TTK: variants seen among roughly 807,000 people sequenced by gnomAD.
The protein encoded by TTK is TTK protein kinase, also known as dual specificity protein kinase TTK.
A neutral mutation model predicts 117.3 loss-of-function variants in TTK; 59 were observed. The ratio of observed to expected loss-of-function variants is 0.50; its 90% CI spans 0.41 to 0.62. The LOEUF (loss-of-function observed/expected upper bound fraction) is 0.62, where lower values mean the gene tolerates loss of function less well. TTK is among the 20% of genes least tolerant of loss of function. The pLI, the probability that TTK is intolerant of heterozygous loss-of-function variation, is 0.00. For missense variants in TTK, 921 were observed against 989.4 expected (o/e 0.93, Z 0.93); for synonymous variants, 302 against 325.0 (o/e 0.93, Z 0.76).
intron 14 of TTK, 114 bp from the exon 15 acceptor site, chr6:80,034,871 C>A: frequency 1.1e-6 from 1 of 905,588 alleles, no homozygotes; most frequent in Non-Finnish European, 1.5e-6. Context: ...TTTTAATGTT[C>A]ATGTCAGTAT....
At chr6:80,008,929 C>CTGTGTGTGTGTG (rs3049166) in intron 4 of TTK, among the ~76,000 whole-genome samples, 15,577 of 142,166 alleles carry the variant, frequency 0.11, 986 homozygotes, top group East Asian at 0.12. Flanking sequence ...AACTATATAT[C>CTGTGTGTGTGTG]TGTGTGTGTG....
Position 80,039,752 on chromosome 6 carries a change from C to A in TTK, c.2187C>A (p.Tyr729Ter). The stretch of plus-strand genomic sequence containing the variant: ...GATGTATTTTGTACTATATGACTTA[C>A]GGGAAAACACCATTTCAGCAGATAA... ...SLGCILYYMT[Y>*]GKTPFQQIIN... Residue 729 changes from tyrosine to a stop codon, truncating the protein, a stop_gained, in exon 19 of 22, where the codon TAC becomes TAA. Transcript: ENST00000369798. LOFTEE classifies it high-confidence loss of function. 1 of 1,588,944 alleles carries A rather than the reference C, an allele frequency of 6.3e-7. No individual in the cohort carries two copies. Among genetic ancestry groups the A allele is most frequent in the African/African-American group, 1.4e-5 (1 of 73,760 alleles).
intron 10 of TTK, among the ~76,000 whole-genome samples, chr6:80,014,885 A>G (rs552483768): frequency 1.3e-5 from 2 of 152,276 alleles, no homozygotes; most frequent in East Asian, 3.9e-4. Context: ...CTGTTTTTAT[A>G]TGACAGCTCT....
intron 2 of TTK, 142 bp from the exon 3 acceptor site, chr6:80,007,667 T>G: frequency 1.8e-6 from 1 of 558,860 alleles, no homozygotes; most frequent in Non-Finnish European, 2.9e-6. Context: ...ATATGAACTT[T>G]TACAATTTTA....
chr6:80,023,346 C>A (rs1767514759), intron 11 of TTK, among the ~76,000 whole-genome samples: 1 of 152,218 alleles, frequency 6.6e-6, no homozygotes, highest in Non-Finnish European at 1.5e-5. Flanking sequence ...GTAATCCCAG[C>A]ACTTTGGGAG....
At chr6:80,031,635 G>A in intron 14 of TTK, 76 bp downstream of exon 14, 1 of 1,139,354 alleles carries the variant, frequency 8.8e-7, no homozygotes, top group Non-Finnish European at 1.2e-6. Flanking sequence ...TTACCTGTGA[G>A]GGCTGCTTTT....
chr6:80,027,766 C>A, intron 12 of TTK, 119 bp from the exon 13 acceptor site: 2 of 669,462 alleles, frequency 3.0e-6, no homozygotes, highest in South Asian at 4.1e-5. Flanking sequence ...TGAAAACTAA[C>A]TTGGGTTCTG....
chr6:80,040,138 C>T lies in TTK; in HGVS notation c.2308-58C>T, dbSNP rs141076570. The T allele has an allele frequency of 3.0e-4, 391 of 1,293,040 alleles. 1 individual carries two copies. The African/African-American group carries it at 4.9e-3, about 16-fold the overall frequency. The allele number at this position is 1,293,040 out of a possible 1,614,324, so 80.1% of individuals were successfully genotyped here. A position where few individuals can be genotyped will look rare whatever the true frequency, so the allele number is the denominator to read the frequency against. On this transcript the variant is annotated intron_variant, in intron 19 of 21. Coordinates refer to ENST00000369798, the MANE Select transcript of TTK (RefSeq NM_003318.5). ...AATGTAATCTGGAAAAATACTTTAT[C>T]AATATCATATATGAAAACCTGCTTT...
chr6:80,036,447 A>G (rs1562025197), intron 16 of TTK, 28 bp from the exon 17 acceptor site: 3 of 1,580,790 alleles, frequency 1.9e-6, no homozygotes, highest in Middle Eastern at 1.8e-4. Flanking sequence ...TGCATTGTTT[A>G]ATATTACAGT....
In TTK at chr6:80,011,402, T is replaced by C. The variant is rs766756034; in HGVS notation, c.614-32T>C. ...TTTTTTGTACTTGTCTTATTTCTTA[T>C]AAATTTAATCATAGTTTCAAAATTT... On this transcript the variant is annotated intron_variant, in intron 5 of 21. Coordinates refer to ENST00000369798, the MANE Select transcript of TTK (RefSeq NM_003318.5). The C allele has an allele frequency of 6.1e-5, 87 of 1,426,516 alleles. 1 individual carries two copies. Among genetic ancestry groups the C allele is most frequent in the South Asian group, 5.0e-4 (38 of 75,306 alleles). The allele number at this position is 1,426,516 out of a possible 1,614,324, so 88.4% of individuals were successfully genotyped here. A position where few individuals can be genotyped will look rare whatever the true frequency, so the allele number is the denominator to read the frequency against.
Position 80,039,875 on chromosome 6 carries a change from A to G in TTK, c.2307+3A>G. On this transcript the variant is annotated splice_donor_region_variant and intron_variant, in intron 19 of 21. Coordinates refer to ENST00000369798, the MANE Select transcript of TTK (RefSeq NM_003318.5). Reference sequence around the variant, plus strand: ...AAGATCTTCAAGATGTGTTAAAGGTAATATTAATTTCATGTAACTAATTAT... The same window carrying G: ...AAGATCTTCAAGATGTGTTAAAGGTGATATTAATTTCATGTAACTAATTAT... 6.6e-7 allele frequency: 1 copy of G among 1,523,866 alleles called. No homozygotes were observed. Among genetic ancestry groups the G allele is most frequent in the Non-Finnish European group, 8.8e-7 (1 of 1,139,154 alleles). 94.4% of individuals were successfully genotyped at this position (1,523,866 alleles called of 1,614,324 possible). A position where few individuals can be genotyped will look rare whatever the true frequency, so the allele number is the denominator to read the frequency against.
intron 17 of TTK, 137 bp downstream of exon 17, chr6:80,036,736 T>A (rs1767916361): frequency 1.0e-6 from 1 of 962,802 alleles, no homozygotes; most frequent in African/African-American, 1.7e-5. Flanking sequence ...AAGAATAGAT[T>A]TAAAAATATA....
In TTK at chr6:80,035,126, A is replaced by T. The variant is rs186705357; in HGVS notation, c.1756A>T (p.Ile586Phe). 1 of 1,558,088 alleles carries T rather than the reference A, an allele frequency of 6.4e-7. No homozygotes were observed. The highest frequency in any genetic ancestry group is 8.6e-7 in the Non-Finnish European group (1 of 1,159,096). ...NKLQQHSDKI[I>F]RLYDYEITDQ... ...ACTACAACAACACAGTGATAAGATCATCCGACTTTATGATTAGTAAGAATT... is the reference window on the plus strand; with the variant it reads ...ACTACAACAACACAGTGATAAGATCTTCCGACTTTATGATTAGTAAGAATT... Residue 586 changes from isoleucine to phenylalanine, a missense_variant, in exon 15 of 22, where the codon ATC becomes TTC. Transcript: ENST00000369798.
intron 20 of TTK, among the ~76,000 whole-genome samples, 157 bp from the exon 21 acceptor site, chr6:80,040,449 T>C (rs566163510): frequency 1.1e-4 from 16 of 151,994 alleles, no homozygotes; most frequent in Admixed American, 7.2e-4. Context: ...CTTTTTTTTC[T>C]TTACTTCTGG....
chr6:80,006,560 T>C (rs147427443), intron 2 of TTK, among the ~76,000 whole-genome samples: 46 of 152,306 alleles, frequency 3.0e-4, no homozygotes, highest in African/African-American at 9.6e-4. Flanking sequence ...TCAAAGATGC[T>C]TAAAACCATA....
At chr6:80,012,060 A>T in intron 8 of TTK, 80 bp downstream of exon 8, 1 of 1,057,412 alleles carries the variant, frequency 9.5e-7, no homozygotes, top group Non-Finnish European at 1.3e-6. Flanking sequence ...TCTTTTACTG[A>T]GTAATAGTAA....
In TTK at chr6:80,018,800, C is replaced by G. The variant is rs1767383302; in HGVS notation, c.1109-3524C>G. Among the ~76,000 whole-genome samples, 3 of 152,152 alleles carry G rather than the reference C, an allele frequency of 2.0e-5. No homozygotes were observed. The South Asian group carries it at 6.2e-4, about 32-fold the overall frequency. On this transcript the variant is annotated intron_variant, in intron 10 of 21. Coordinates refer to ENST00000369798, the MANE Select transcript of TTK (RefSeq NM_003318.5). ...TAAGGGAAAGCTGTCAATATTTTAT[C>G]CTTAGTATGATCATTACTGTAGAGT... is the stretch of plus-strand genomic sequence containing the variant.
intron 14 of TTK, among the ~76,000 whole-genome samples, chr6:80,031,849 G>A (rs1208541103): frequency 6.6e-6 from 1 of 152,026 alleles, no homozygotes; most frequent in Non-Finnish European, 1.5e-5. Flanking sequence ...TGACCACTAT[G>A]TATTATCACA....
chr6:80,040,262 C>A lies in TTK; in HGVS notation c.2374C>A (p.Gln792Lys). Residue 792 changes from glutamine (Q) to lysine (K), a missense_variant, in exon 20 of 22, where the codon CAA (glutamine) becomes AAA (lysine). Coordinates refer to ENST00000369798, the MANE Select transcript of TTK (RefSeq NM_003318.5). Reference protein sequence around the residue: ...IPELLAHPYVQIQTHPVNQMA... With the variant: ...IPELLAHPYVKIQTHPVNQMA... Reference sequence around the variant, plus strand: ...TGAGCTCCTGGCTCATCCATATGTTCAAATTCAAACTCATCCAGGTACTAC... The same window carrying A: ...TGAGCTCCTGGCTCATCCATATGTTAAAATTCAAACTCATCCAGGTACTAC... 6.3e-7 allele frequency: 1 copy of A among 1,586,184 alleles called. No homozygotes were observed. Among genetic ancestry groups the A allele is most frequent in the South Asian group, 1.2e-5 (1 of 84,500 alleles).
Sources: gnomAD v4.1 joint callset for allele counts (sites outside exome capture counted in the v4.1 genomes callset) on GRCh38, gnomAD v4.1.1 for gene constraint, MANE v1.5 for transcripts, NCBI Gene and HGNC (gene_info 2026-07-23, HGNC 2026-07-21) for gene names.